CLHC1: variants seen among roughly 807,000 people sequenced by gnomAD.
CLHC1 encodes clathrin heavy chain linker domain-containing protein 1.
A neutral mutation model predicts 69.5 loss-of-function variants in CLHC1; 72 were observed. That is an observed-to-expected ratio of 1.04 (90% CI 0.86 to 1.26). The LOEUF (loss-of-function observed/expected upper bound fraction) is 1.26. Among genes scored for constraint, CLHC1 ranks in the 50% most tolerant of loss-of-function variants. The pLI, the probability that CLHC1 is intolerant of heterozygous loss-of-function variation, is 0.00. For missense variants in CLHC1, 790 were observed against 679.3 expected (o/e 1.16, Z -1.81); for synonymous variants, 223 against 224.3 (o/e 0.99, Z 0.05).
chr2:55,224,321 A>G, intron 2 of CLHC1: 1 of 467,062 alleles, frequency 2.1e-6, no homozygotes, highest in Non-Finnish European at 4.4e-6. Flanking sequence ...GGAGTGTTTG[A>G]GTGTGAACTC....
intron 4 of CLHC1, among the ~76,000 whole-genome samples, chr2:55,217,550 AAAATATATATATATATAT>A (rs1385713079): frequency 1.7e-5 from 1 of 59,634 alleles, no homozygotes; most frequent in Non-Finnish European, 2.9e-5. Flanking sequence ...AAAAAAAAAA[AAAATATATATATATATAT>A]ATATATATAT....
At chr2:55,193,317 G>C (rs982427378) in intron 9 of CLHC1, among the ~76,000 whole-genome samples, 1 of 151,854 alleles carries the variant, frequency 6.6e-6, no homozygotes, top group Non-Finnish European at 1.5e-5. Context: ...AAAGAAACCA[G>C]TGAAACACTT....
chr2:55,201,741 T>C (rs918911456), intron 9 of CLHC1, among the ~76,000 whole-genome samples: 3 of 152,076 alleles, frequency 2.0e-5, no homozygotes, highest in African/African-American at 7.2e-5. Context: ...ATAATTCTGA[T>C]AAACATTGAT....
intron 2 of CLHC1, chr2:55,225,773 G>A (rs1015059348): frequency 2.0e-5 from 3 of 152,350 alleles, no homozygotes; most frequent in Non-Finnish European, 4.4e-5. Flanking sequence ...AAGCTTCCAG[G>A]TAGCAGTTGG....
intron 2 of CLHC1, among the ~76,000 whole-genome samples, chr2:55,223,509 C>T (rs964346045): frequency 6.6e-6 from 1 of 152,102 alleles, no homozygotes; most frequent in Admixed American, 6.5e-5. Context: ...TCCGCGCCGG[C>T]GTGGCCTGCT....
chr2:55,232,379 T>C (rs1424378558), upstream of CLHC1: 2 of 280,410 alleles, frequency 7.1e-6, no homozygotes, highest in African/African-American at 4.4e-5. Context: ...CACTTCCATT[T>C]CCTACCTCTT....
rs1300775022 is a variant in CLHC1 at position 55,177,034 on chromosome 2, C to T, written c.1564+568G>A. On this transcript the variant is annotated intron_variant, in intron 12 of 12. Coordinates refer to ENST00000401408, the MANE Select transcript of CLHC1 (RefSeq NM_152385.4). ...GACTACAGGTGCATGCCACATGTGG[C>T]TAATTTTGGTATCTTTTTCATAGAG... Among the ~76,000 whole-genome samples the T allele has an allele frequency of 2.0e-5, 3 of 151,992 alleles. No individual in the cohort carries two copies. The East Asian group carries it at 5.8e-4, about 29-fold the overall frequency.
chr2:55,178,661 T>C (rs942808024), intron 11 of CLHC1, among the ~76,000 whole-genome samples: 2 of 152,002 alleles, frequency 1.3e-5, no homozygotes, highest in African/African-American at 4.8e-5. Context: ...CTCAAATTTA[T>C]AAACTTGGTA....
intron 8 of CLHC1, 36 bp from the exon 9 acceptor site, chr2:55,206,412 C>G (rs369581148): frequency 8.4e-7 from 1 of 1,187,166 alleles, no homozygotes; most frequent in East Asian, 2.3e-5. Context: ...ATTATAATGA[C>G]ACAAAGAAAA....
intron 11 of CLHC1, among the ~76,000 whole-genome samples, chr2:55,178,562 G>C: frequency 6.6e-6 from 1 of 152,062 alleles, no homozygotes; most frequent in East Asian, 1.9e-4. Flanking sequence ...TAATGATTGT[G>C]TACTGTATCC....
In CLHC1 at chr2:55,173,241, G is replaced by A. The variant is rs752351099; in HGVS notation, c.*2549C>T. Among the ~76,000 whole-genome samples the A allele has an allele frequency of 1.4e-4, 22 of 152,148 alleles. No homozygotes were observed. Among genetic ancestry groups the A allele is most frequent in the Non-Finnish European group, 2.8e-4 (19 of 68,010 alleles). ...ATTGGAACAATTCAAATGTTAAAAGGCATTTTTAGCAACTGGTGAAATTTG... is the reference window on the plus strand; with the variant it reads ...ATTGGAACAATTCAAATGTTAAAAGACATTTTTAGCAACTGGTGAAATTTG... On this transcript the variant is annotated 3_prime_UTR_variant, in exon 13 of 13. Coordinates refer to ENST00000401408, the MANE Select transcript of CLHC1 (RefSeq NM_152385.4).
At chr2:55,214,040 G>A (rs906831842) in intron 4 of CLHC1, among the ~76,000 whole-genome samples, 1 of 152,058 alleles carries the variant, frequency 6.6e-6, no homozygotes, top group African/African-American at 2.4e-5. Flanking sequence ...CATGGATGGG[G>A]GGTTCTGGCT....
intron 4 of CLHC1, chr2:55,216,257 G>A (rs573780551): frequency 6.0e-5 from 9 of 150,338 alleles, no homozygotes; most frequent in African/African-American, 2.2e-4. Flanking sequence ...TCACACCATT[G>A]CACTCCGACC....
Position 55,222,485 on chromosome 2 carries a change from T to C in CLHC1, c.-74A>G. 1.8e-6 allele frequency: 2 copies of C among 1,107,840 alleles called. No individual in the cohort carries two copies. Among genetic ancestry groups the C allele is most frequent in the Admixed American group, 4.9e-5 (2 of 40,662 alleles). 68.6% of individuals were successfully genotyped at this position (1,107,840 alleles called of 1,614,324 possible). On this transcript the variant is annotated 5_prime_UTR_variant, in exon 3 of 13. Coordinates refer to ENST00000401408, the MANE Select transcript of CLHC1 (RefSeq NM_152385.4). The stretch of plus-strand genomic sequence containing the variant: ...CTGCTCTTGCAACAAAGCCAAAACT[T>C]TGATAAGCCTGAAAGAAAAAAAGAG...
intron 4 of CLHC1, among the ~76,000 whole-genome samples, chr2:55,217,373 A>T (rs1443983661): frequency 2.0e-5 from 3 of 150,028 alleles, no homozygotes; most frequent in Non-Finnish European, 4.4e-5. Context: ...AAAAAAAAAA[A>T]TTAGCTGGGC....
chr2:55,184,254 T>C (rs1268600676), intron 9 of CLHC1, among the ~76,000 whole-genome samples: 8 of 151,996 alleles, frequency 5.3e-5, no homozygotes. Flanking sequence ...TATAGTAATG[T>C]GCCACCACGG....
rs1672790813 is a variant in CLHC1 at position 55,209,671 on chromosome 2, C to T, written c.660G>A (p.Arg220=). 6.2e-7 allele frequency: 1 copy of T among 1,614,102 alleles called. No individual in the cohort carries two copies. The highest frequency in any genetic ancestry group is 8.5e-7 in the Non-Finnish European group (1 of 1,180,008). Reference sequence around the variant, plus strand: ...TGTTCAGATTTTCAGCTACATCTCGCCGTTTTAATAACACAATCATTTCTT... The same window carrying T: ...TGTTCAGATTTTCAGCTACATCTCGTCGTTTTAATAACACAATCATTTCTT... ...LDEEMIVLLK[R]RDVAENLNKK... Residue 220 remains arginine, a synonymous_variant, in exon 6 of 13, where the codon CGG becomes CGA. Transcript: ENST00000401408.
chr2:55,175,738 C>A lies in CLHC1; in HGVS notation c.*52G>T, dbSNP rs1000553149. The A allele has an allele frequency of 3.8e-6, 5 of 1,317,672 alleles. No individual in the cohort carries two copies. The highest frequency in any genetic ancestry group is 1.9e-4 in the Middle Eastern group (1 of 5,240). 81.6% of individuals were successfully genotyped at this position (1,317,672 alleles called of 1,614,324 possible). A position where few individuals can be genotyped will look rare whatever the true frequency, so the allele number is the denominator to read the frequency against. ...TTACGTTAAAATCAGTTTTTCCCAA[C>A]CAGCATACATAAGGTGTTGTACAAG... On this transcript the variant is annotated 3_prime_UTR_variant, in exon 13 of 13. Coordinates refer to ENST00000401408, the MANE Select transcript of CLHC1 (RefSeq NM_152385.4).
chr2:55,214,552 G>A (rs1404716603), intron 4 of CLHC1: 2 of 152,188 alleles, frequency 1.3e-5, no homozygotes, highest in African/African-American at 4.8e-5. Flanking sequence ...GTAGATAACT[G>A]CTGGCTGCTG....
Sources: gnomAD v4.1 joint callset for allele counts (sites outside exome capture counted in the v4.1 genomes callset) on GRCh38, gnomAD v4.1.1 for gene constraint, MANE v1.5 for transcripts, NCBI Gene and HGNC (gene_info 2026-07-23, HGNC 2026-07-21) for gene names.